CLSTN1: variants seen among roughly 807,000 people sequenced by gnomAD.
The protein encoded by CLSTN1 is calsyntenin-1.
A neutral mutation model predicts 108.3 loss-of-function variants in CLSTN1; 28 were observed. The ratio of observed to expected loss-of-function variants is 0.26; its 90% CI spans 0.19 to 0.35. The LOEUF is 0.35. CLSTN1 is among the 10% of genes least tolerant of loss of function. The pLI, the probability that CLSTN1 is intolerant of heterozygous loss-of-function variation, is 1.00. For missense variants in CLSTN1, 1,157 were observed against 1,302.6 expected, an observed-to-expected ratio of 0.89 and a Z score of 1.72; for synonymous variants, 524 against 534.9, an observed-to-expected ratio of 0.98 and a Z score of 0.28.
Position 9,737,472 on chromosome 1 carries a change from T to C in CLSTN1, c.1576+26A>G, listed in dbSNP as rs758308701. ...CTCATCTTTAAATGAAACACAATAG[T>C]GAATGTAGGGAAAAAATCCAGCAAC... On this transcript the variant is annotated intron_variant, in intron 11 of 18. Coordinates refer to ENST00000377298, the MANE Select transcript of CLSTN1 (RefSeq NM_001009566.3). 10 of 1,602,832 alleles carry C rather than the reference T, an allele frequency of 6.2e-6. No homozygotes were observed. The African/African-American group carries it at 6.7e-5, about 11-fold the overall frequency.
At chr1:9,815,270 A>G (rs1654925490) in intron 1 of CLSTN1, among the ~76,000 whole-genome samples, 1 of 152,264 alleles carries the variant, frequency 6.6e-6, no homozygotes, top group South Asian at 2.1e-4. Context: ...TCTGTGAGCT[A>G]CCAAGAGCCC....
At chr1:9,780,923 T>C in intron 1 of CLSTN1, 1 of 401,282 alleles carries the variant, frequency 2.5e-6, no homozygotes, top group Non-Finnish European at 4.4e-6. Flanking sequence ...AAACTGTGTG[T>C]TGTGCACCTG....
intron 1 of CLSTN1, among the ~76,000 whole-genome samples, chr1:9,788,058 C>G (rs1557715383): frequency 6.6e-6 from 1 of 151,250 alleles, no homozygotes; most frequent in Admixed American, 6.7e-5. Context: ...AGTTCAAGAT[C>G]AGCCCGGCCA....
At chr1:9,813,236 G>A (rs1317072105) in intron 1 of CLSTN1, among the ~76,000 whole-genome samples, 1 of 151,912 alleles carries the variant, frequency 6.6e-6, no homozygotes, top group East Asian at 1.9e-4. Flanking sequence ...AGTGGCTCAC[G>A]CCTGTAATCC....
intron 7 of CLSTN1, among the ~76,000 whole-genome samples, chr1:9,746,937 T>C (rs1651295739): frequency 6.6e-6 from 1 of 151,898 alleles, no homozygotes; most frequent in Non-Finnish European, 1.5e-5. Context: ...CCCAGCACTT[T>C]GGGAGGCCGA....
intron 1 of CLSTN1, among the ~76,000 whole-genome samples, chr1:9,806,106 A>T (rs1654495407): frequency 6.6e-6 from 1 of 151,964 alleles, no homozygotes; most frequent in Non-Finnish European, 1.5e-5. Flanking sequence ...CCTGGCCAAC[A>T]TGGCCAAATC....
chr1:9,749,535 T>A lies in CLSTN1; in HGVS notation c.911A>T (p.Glu304Val), dbSNP rs1299490360. 6.2e-7 allele frequency: 1 copy of A among 1,614,150 alleles called. No individual in the cohort carries two copies. Among genetic ancestry groups the A allele is most frequent in the Non-Finnish European group, 8.5e-7 (1 of 1,180,020 alleles). ...EPVASVQATV[E>V]LETSHIGKGC... ...TTTCCCTATGTGGCTGGTTTCTAGC[T>A]CCACTGTGGCCTGTACTGAGGCGAC... Residue 304 changes from glutamate (E) to valine (V), a missense_variant, in exon 7 of 19, where the codon GAG (glutamate) becomes GTG (valine). Transcript: ENST00000377298.
At chr1:9,740,220 TG>T (rs1472674623) in intron 10 of CLSTN1, among the ~76,000 whole-genome samples, 1 of 152,056 alleles carries the variant, frequency 6.6e-6, no homozygotes, top group Non-Finnish European at 1.5e-5. Context: ...CCAACATGCA[TG>T]GCTAATTTTT....
At chr1:9,796,934 G>A (rs376607348) in intron 1 of CLSTN1, among the ~76,000 whole-genome samples, 1 of 152,170 alleles carries the variant, frequency 6.6e-6, no homozygotes, top group African/African-American at 2.4e-5. Flanking sequence ...AGTCAGATAC[G>A]GCAAGATGAA....
At position 9,734,176 on chromosome 1, in the gene CLSTN1, G is replaced by C. The variant is rs1436751920; in HGVS notation, c.2111-34C>G. On this transcript the variant is annotated intron_variant, in intron 14 of 18. Transcript: ENST00000377298. This position sits in a 1 kb window ranked among gnomAD's most constrained non-coding sequence, Gnocchi z 4.8. ...GAGGCCCAACCAGAAATATTAAGTA[G>C]GGGCAGTGGGGCCCAGCGTGGCGGG... 6.2e-7 allele frequency: 1 copy of C among 1,608,112 alleles called. No individual in the cohort carries two copies. Among genetic ancestry groups the C allele is most frequent in the Non-Finnish European group, 8.5e-7 (1 of 1,175,830 alleles).
chr1:9,732,490 C>T (rs531204564), intron 16 of CLSTN1, among the ~76,000 whole-genome samples: 9 of 152,308 alleles, frequency 5.9e-5, no homozygotes, highest in East Asian at 1.9e-4. Context: ...AAATCACAGC[C>T]GTGTGAAAGA....
At chr1:9,761,818 G>A (rs1039116724) in intron 2 of CLSTN1, among the ~76,000 whole-genome samples, 1 of 152,120 alleles carries the variant, frequency 6.6e-6, no homozygotes, top group Non-Finnish European at 1.5e-5. Context: ...TAACAGCTAA[G>A]GTTCTCTGAT....
At chr1:9,776,608 A>T (rs1382285795) in intron 1 of CLSTN1, among the ~76,000 whole-genome samples, 2 of 152,128 alleles carry the variant, frequency 1.3e-5, no homozygotes, top group Non-Finnish European at 2.9e-5. Context: ...CCAAGTAACA[A>T]GCCTCCCTGT....
At chr1:9,737,678 C>T (rs1650766203) in intron 10 of CLSTN1, 124 bp from the exon 11 acceptor site, 2 of 835,482 alleles carry the variant, frequency 2.4e-6, no homozygotes, top group African/African-American at 3.4e-5. Context: ...CCCTCGTGAT[C>T]CCGCTCTGGG....
At chr1:9,731,605 TCTTCGAGGGC>T (rs1470723729) in intron 17 of CLSTN1, among the ~76,000 whole-genome samples, 146 bp downstream of exon 17, 3 of 152,204 alleles carry the variant, frequency 2.0e-5, no homozygotes, top group African/African-American at 7.2e-5. Flanking sequence ...TCATCTGCCC[TCTTCGAGGGC>T]TTTAGTTTCC....
At chr1:9,804,242 A>G (rs905199952) in intron 1 of CLSTN1, among the ~76,000 whole-genome samples, 1 of 151,600 alleles carries the variant, frequency 6.6e-6, no homozygotes, top group African/African-American at 2.4e-5. Flanking sequence ...GGGCGCCTGT[A>G]GTCCCAGCTA....
At position 9,770,751 on chromosome 1, in the gene CLSTN1, C is replaced by T. The variant is rs189474252; in HGVS notation, c.214+2521G>A. ...GCTCACGCCTATAATCCCAGCACTT[C>T]GGGAGGCCAAGGCAGGCGCATCACC... On this transcript the variant is annotated intron_variant, in intron 2 of 18. Transcript: ENST00000377298. Among the ~76,000 whole-genome samples, 789 of 152,268 alleles carry T rather than the reference C, an allele frequency of 5.2e-3. 3 individuals carry two copies. Among genetic ancestry groups the T allele is most frequent in the African/African-American group, 0.015 (603 of 41,552 alleles).
chr1:9,810,860 T>C (rs1557726032), intron 1 of CLSTN1, among the ~76,000 whole-genome samples: 2 of 152,304 alleles, frequency 1.3e-5, no homozygotes, highest in East Asian at 3.9e-4. Flanking sequence ...GAATGCCTCA[T>C]TCCACATACC....
intron 1 of CLSTN1, among the ~76,000 whole-genome samples, chr1:9,821,980 T>G (rs1038853248): frequency 6.6e-6 from 1 of 152,212 alleles, no homozygotes; most frequent in African/African-American, 2.4e-5. Context: ...TGTATGCTGT[T>G]TAAGTAACCA....
Sources: gnomAD v4.1 joint callset for allele counts (sites outside exome capture counted in the v4.1 genomes callset) on GRCh38, gnomAD v4.1.1 for gene constraint, Gnocchi (gnomAD v3.1) non-coding constraint, MANE v1.5 for transcripts, NCBI Gene and HGNC (gene_info 2026-07-23, HGNC 2026-07-21) for gene names.